Variants in RAP1GDS1 observed in about 807,000 individuals in gnomAD.
RAP1GDS1 encodes the protein Rap1 GTPase-GDP dissociation stimulator 1.
In RAP1GDS1, 35 loss-of-function variants were observed where a neutral mutation model predicts 71.1. The observed-to-expected ratio is 0.49, with a 90% CI of 0.38 to 0.65. The LOEUF (loss-of-function observed/expected upper bound fraction) is 0.65. Ranked by LOEUF, RAP1GDS1 falls within the 30% of genes least tolerant of loss-of-function variation. The pLI is 0.00. For missense variants in RAP1GDS1, 663 were observed against 706.1 expected (o/e 0.94, Z 0.69); for synonymous variants, 229 against 243.1 (o/e 0.94, Z 0.54).
intron 2 of RAP1GDS1, among the ~76,000 whole-genome samples, chr4:98,298,793 A>G (rs564835808): frequency 6.6e-6 from 1 of 152,302 alleles, no homozygotes; most frequent in East Asian, 1.9e-4. Context: ...TATAGCTGCC[A>G]TAGATAGTGA....
rs189908293 is a variant in RAP1GDS1 at position 98,348,537 on chromosome 4, G to A, written c.236-3939G>A. 2.9e-3 allele frequency among the ~76,000 whole-genome samples: 440 copies of A among 152,208 alleles called. 3 individuals carry two copies. Among genetic ancestry groups the A allele is most frequent in the African/African-American group, 9.2e-3 (380 of 41,522 alleles). On this transcript the variant is annotated intron_variant, in intron 3 of 14. Coordinates refer to ENST00000408927, the MANE Select transcript of RAP1GDS1 (RefSeq NM_001100427.2). ...TCTAGTTCTAGATCCTTGAGGAATCGCCACACTGTCTTCCACAATGGTTGA... is the reference window on the plus strand; with the variant it reads ...TCTAGTTCTAGATCCTTGAGGAATCACCACACTGTCTTCCACAATGGTTGA...
At chr4:98,307,024 T>A (rs560496394) in intron 2 of RAP1GDS1, among the ~76,000 whole-genome samples, 23 of 152,236 alleles carry the variant, frequency 1.5e-4, no homozygotes, top group Middle Eastern at 3.4e-3. Context: ...TTTTTTCTAA[T>A]GGAAGCTTCT....
intron 2 of RAP1GDS1, chr4:98,296,898 C>G: frequency 2.6e-6 from 1 of 388,920 alleles, no homozygotes; most frequent in Non-Finnish European, 5.1e-6. Context: ...AAAATTCTAT[C>G]CATTTTATTC....
intron 12 of RAP1GDS1, among the ~76,000 whole-genome samples, chr4:98,430,002 TAC>T (rs1366994964): frequency 6.6e-6 from 1 of 152,148 alleles, no homozygotes; most frequent in Admixed American, 6.6e-5. Flanking sequence ...GAGCCAGAAC[TAC>T]TTAAATGCTA....
At chr4:98,348,546 T>C (rs998901767) in intron 3 of RAP1GDS1, among the ~76,000 whole-genome samples, 9 of 152,184 alleles carry the variant, frequency 5.9e-5, no homozygotes, top group Admixed American at 2.6e-4. Context: ...CGCCACACTG[T>C]CTTCCACAAT....
At chr4:98,319,148 A>G (rs747013491) in intron 2 of RAP1GDS1, among the ~76,000 whole-genome samples, 13 of 152,160 alleles carry the variant, frequency 8.5e-5, no homozygotes, top group Non-Finnish European at 1.6e-4. Context: ...TTACTAAACT[A>G]TAAACTCTTT....
chr4:98,423,528 A>T (rs1560999174), intron 12 of RAP1GDS1, among the ~76,000 whole-genome samples: 2 of 151,682 alleles, frequency 1.3e-5, no homozygotes, highest in Non-Finnish European at 2.9e-5. Context: ...TGTTTTCTTT[A>T]TTTTTTGTTT....
At chr4:98,334,316 A>C (rs1480309856) in intron 2 of RAP1GDS1, among the ~76,000 whole-genome samples, 1 of 151,910 alleles carries the variant, frequency 6.6e-6, no homozygotes, top group Non-Finnish European at 1.5e-5. Context: ...AACAAAAAAA[A>C]CCTCTTTTAC....
At chr4:98,428,442 A>G (rs1366226628) in intron 12 of RAP1GDS1, among the ~76,000 whole-genome samples, 3 of 152,216 alleles carry the variant, frequency 2.0e-5, no homozygotes, top group African/African-American at 7.2e-5. Context: ...AAATCTTCAC[A>G]ATCTATACAT....
intron 4 of RAP1GDS1, among the ~76,000 whole-genome samples, chr4:98,360,346 T>G (rs1338993403): frequency 6.7e-6 from 1 of 149,100 alleles, no homozygotes; most frequent in Non-Finnish European, 1.5e-5. Flanking sequence ...TATGGTTGCC[T>G]TCCCCCCCAA....
intron 2 of RAP1GDS1, among the ~76,000 whole-genome samples, chr4:98,307,507 G>A (rs1269393725): frequency 2.0e-5 from 3 of 152,042 alleles, no homozygotes; most frequent in Admixed American, 6.6e-5. Context: ...CAATCTAAGG[G>A]CATAGATTGT....
rs2110300433 is a variant in RAP1GDS1, at chr4:98,303,281, T to TTTAATACAGTAGTCACTCTTCA, written c.112+9767_112+9788dup. On this transcript the variant is annotated intron_variant, in intron 2 of 14. Transcript: ENST00000408927. ...GAAGAATCTTCTTAAACTTGCACTG[T>TTTAATACAGTAGTCACTCTTCA]TTAATACAGTAGTCACTCTTCAACA... 2.0e-5 allele frequency among the ~76,000 whole-genome samples: 3 copies of TTTAATACAGTAGTCACTCTTCA among 152,268 alleles called. No homozygotes were observed. In the South Asian group the frequency reaches 6.2e-4, roughly 32 times the overall value.
intron 1 of RAP1GDS1, among the ~76,000 whole-genome samples, chr4:98,283,817 A>ATTTTTTT (rs10582639): frequency 2.0e-4 from 27 of 133,970 alleles, no homozygotes; most frequent in Non-Finnish European, 2.4e-4. Flanking sequence ...TTTCATTGTG[A>ATTTTTTT]TTTTTTTTTT....
chr4:98,367,534 A>G (rs1202689332), intron 4 of RAP1GDS1, among the ~76,000 whole-genome samples: 1 of 152,160 alleles, frequency 6.6e-6, no homozygotes, highest in African/African-American at 2.4e-5. Context: ...AGCTTGCACC[A>G]GGCACCTGGA....
intron 5 of RAP1GDS1, among the ~76,000 whole-genome samples, chr4:98,383,525 G>C (rs1262592286): frequency 6.6e-6 from 1 of 151,368 alleles, no homozygotes; most frequent in Admixed American, 6.6e-5. Flanking sequence ...AAATCTCTCT[G>C]AGATACCTAC....
At chr4:98,358,731 G>A (rs1265369361) in intron 4 of RAP1GDS1, among the ~76,000 whole-genome samples, 2 of 151,928 alleles carry the variant, frequency 1.3e-5, no homozygotes, top group African/African-American at 4.8e-5. Flanking sequence ...AACCATACAT[G>A]CCCATACACA....
chr4:98,364,142 C>A (rs900552242), intron 4 of RAP1GDS1, among the ~76,000 whole-genome samples: 2 of 152,066 alleles, frequency 1.3e-5, no homozygotes, highest in Non-Finnish European at 2.9e-5. Context: ...TCTTTATATT[C>A]TTTTACCTTT....
Position 98,391,963 on chromosome 4 carries a change from G to A in RAP1GDS1, c.520G>A (p.Ala174Thr), listed in dbSNP as rs1226051892. The A allele has an allele frequency of 1.9e-6, 3 of 1,594,138 alleles. No homozygotes were observed. The highest frequency in any genetic ancestry group is 3.5e-5 in the Admixed American group (2 of 57,760). ...TTTTGTTTTTACAGATTCGCTTCAA[G>A]CTCAGCTTATCAATATGGGTGTTAT... is the stretch of plus-strand genomic sequence containing the variant. ...NYSNENDSLQAQLINMGVIPT... is the reference protein window; with the variant it reads ...NYSNENDSLQTQLINMGVIPT... The change falls in exon 6 of 15, where the codon GCT becomes ACT. Residue 174 changes from alanine (A) to threonine (T), a missense_variant. Physicochemically the swap from Ala to Thr is moderately conservative, Grantham distance 58. Transcript: ENST00000408927.
intron 1 of RAP1GDS1, among the ~76,000 whole-genome samples, chr4:98,275,651 A>C (rs963912260): frequency 6.6e-6 from 1 of 152,136 alleles, no homozygotes; most frequent in African/African-American, 2.4e-5. Flanking sequence ...AATGGGCTGT[A>C]GTTTGCCAAT....
Sources: gnomAD v4.1 joint callset for allele counts (sites outside exome capture counted in the v4.1 genomes callset) on GRCh38, gnomAD v4.1.1 for gene constraint, MANE v1.5 for transcripts, NCBI Gene and HGNC (gene_info 2026-07-23, HGNC 2026-07-21) for gene names.